The following STXBP4 variants were observed in gnomAD, a reference collection of about 807,000 sequenced individuals.
The protein encoded by STXBP4 is syntaxin binding protein 4.
A neutral mutation model predicts 76.1 loss-of-function variants in STXBP4; 55 were observed. That is an observed-to-expected ratio of 0.72 (90% CI 0.58 to 0.91). The LOEUF is 0.91. Among genes scored for constraint, STXBP4 ranks in the 40% least tolerant of loss-of-function variants. The pLI, the probability that STXBP4 is intolerant of heterozygous loss-of-function variation, is 0.00. For missense variants in STXBP4, 618 were observed against 636.9 expected (o/e 0.97, Z 0.32); for synonymous variants, 201 against 220.2 (o/e 0.91, Z 0.77).
chr17:54,994,214 C>A (rs1024805878), intron 4 of STXBP4, among the ~76,000 whole-genome samples: 3 of 152,148 alleles, frequency 2.0e-5, no homozygotes, highest in Non-Finnish European at 4.4e-5. Flanking sequence ...GTCAGCTAGT[C>A]CCATATCTAT....
chr17:55,098,983 A>C (rs1469801144), intron 16 of STXBP4, among the ~76,000 whole-genome samples: 1 of 152,190 alleles, frequency 6.6e-6, no homozygotes, highest in Non-Finnish European at 1.5e-5. Flanking sequence ...CTGTTTAGTA[A>C]GCACATTTAA....
chr17:55,060,946 C>T (rs1284446803), intron 12 of STXBP4, among the ~76,000 whole-genome samples: 3 of 152,176 alleles, frequency 2.0e-5, no homozygotes, highest in Non-Finnish European at 4.4e-5. Context: ...AAATATTTAG[C>T]TTGTCTGAAC....
intron 6 of STXBP4, among the ~76,000 whole-genome samples, chr17:55,000,560 A>G: frequency 6.6e-6 from 1 of 152,198 alleles, no homozygotes; most frequent in East Asian, 1.9e-4. Context: ...ACTTGGAGCT[A>G]TAATACTTTT....
At chr17:55,072,505 C>T (rs900385682) in intron 12 of STXBP4, among the ~76,000 whole-genome samples, 4 of 152,190 alleles carry the variant, frequency 2.6e-5, no homozygotes, top group Admixed American at 2.0e-4. Flanking sequence ...AATCTCTCAG[C>T]AGCATCTGAT....
the STXBP4 span, among the ~76,000 whole-genome samples, chr17:55,178,921 C>A: frequency 1.3e-5 from 2 of 152,208 alleles, no homozygotes; most frequent in African/African-American, 4.8e-5. Flanking sequence ...AAATATTAAT[C>A]TCACCCAGAA....
chr17:55,181,610 G>A, the STXBP4 span, among the ~76,000 whole-genome samples: 3 of 152,166 alleles, frequency 2.0e-5, no homozygotes, highest in African/African-American at 7.2e-5. Context: ...GGTGGACTAA[G>A]TAGTTCAAAC....
At chr17:55,089,500 T>C (rs1394742060) in intron 16 of STXBP4, among the ~76,000 whole-genome samples, 1 of 152,218 alleles carries the variant, frequency 6.6e-6, no homozygotes. Flanking sequence ...GAAACTTTTG[T>C]CTGTTCTGTC....
chr17:55,122,969 T>G (rs2079863173), intron 16 of STXBP4, among the ~76,000 whole-genome samples: 1 of 152,298 alleles, frequency 6.6e-6, no homozygotes, highest in South Asian at 2.1e-4. Context: ...TAGAAAATCT[T>G]TTAGAGATTT....
chr17:55,070,681 A>G (rs1043153330), intron 12 of STXBP4, among the ~76,000 whole-genome samples: 6 of 151,680 alleles, frequency 4.0e-5, no homozygotes, highest in African/African-American at 1.5e-4. Flanking sequence ...CATGCCTGCC[A>G]TTTCTACCAG....
the STXBP4 span, among the ~76,000 whole-genome samples, chr17:55,187,112 G>T: frequency 1.3e-5 from 2 of 152,206 alleles, no homozygotes; most frequent in Non-Finnish European, 2.9e-5. Flanking sequence ...TGAGGTTTCT[G>T]CCTCCTTCAG....
chr17:54,978,852 TAA>T (rs1475845084), intron 1 of STXBP4, among the ~76,000 whole-genome samples: 1 of 152,190 alleles, frequency 6.6e-6, no homozygotes, highest in Non-Finnish European at 1.5e-5. Flanking sequence ...AATGTAATTT[TAA>T]AAGATGAAAT....
rs1184072074 is a variant in STXBP4 at position 55,054,363 on chromosome 17, C to G, written c.1011+7209C>G. On this transcript the variant is annotated intron_variant, in intron 12 of 17. Transcript: ENST00000376352. ...AATTCGCTGGGCATGGTAGCACATG[C>G]CTGTCATCCCAGCTACTCGGAAGGC... Among the ~76,000 whole-genome samples, 3 of 152,106 alleles carry G rather than the reference C, an allele frequency of 2.0e-5. No individual in the cohort carries two copies. In the East Asian group the frequency reaches 5.8e-4, roughly 29 times the overall value.
chr17:55,172,652 A>T lies in STXBP4; in HGVS notation c.*12741A>T, dbSNP rs746391606. ...CACATTTACATAGAAGTTACAGTTT[A>T]AAGTTTGCATCTCGTAATAACTTGG... On this transcript the variant is annotated 3_prime_UTR_variant, in exon 18 of 18. Transcript: ENST00000376352. 4 of 152,252 alleles carry T rather than the reference A, an allele frequency of 2.6e-5. No individual in the cohort carries two copies. The highest frequency in any genetic ancestry group is 5.9e-5 in the Non-Finnish European group (4 of 68,036). The allele number at this position is 152,252 out of a possible 1,614,324, so 9.4% of individuals were successfully genotyped here.
intron 16 of STXBP4, among the ~76,000 whole-genome samples, chr17:55,090,487 CCAA>C (rs2079396822): frequency 6.6e-6 from 1 of 151,982 alleles, no homozygotes; most frequent in South Asian, 2.1e-4. Context: ...GAGGGTAATT[CCAA>C]CAACAATTTG....
At chr17:55,108,888 T>C (rs2079673125) in intron 16 of STXBP4, among the ~76,000 whole-genome samples, 1 of 152,198 alleles carries the variant, frequency 6.6e-6, no homozygotes, top group Non-Finnish European at 1.5e-5. Context: ...GAATTCTTTA[T>C]ACATGTTTTA....
the STXBP4 span, among the ~76,000 whole-genome samples, chr17:55,189,690 C>G: frequency 1.3e-5 from 2 of 152,210 alleles, no homozygotes; most frequent in Non-Finnish European, 2.9e-5. Flanking sequence ...TCAGTCCTCT[C>G]TGACATTGGC....
At chr17:54,973,387 A>C (rs1001900000) in intron 1 of STXBP4, among the ~76,000 whole-genome samples, 1 of 152,202 alleles carries the variant, frequency 6.6e-6, no homozygotes, top group Admixed American at 6.5e-5. Flanking sequence ...TCAGGTAAAA[A>C]TCATCATTAA....
intron 4 of STXBP4, 80 bp downstream of exon 4, chr17:54,991,037 A>T (rs2077708552): frequency 7.1e-7 from 1 of 1,406,108 alleles, no homozygotes; most frequent in Admixed American, 2.8e-5. Flanking sequence ...CTTCTTTATT[A>T]GTGAATTTAT....
chr17:55,118,513 A>C (rs1384923843), intron 16 of STXBP4, among the ~76,000 whole-genome samples: 1 of 152,008 alleles, frequency 6.6e-6, no homozygotes, highest in Non-Finnish European at 1.5e-5. Flanking sequence ...ATTTAAGTCA[A>C]GATGTTATTG....
Sources: allele counts gnomAD v4.1 joint callset (sites outside exome capture counted in the v4.1 genomes callset), GRCh38; gene constraint gnomAD v4.1.1; transcripts MANE v1.5; gene names NCBI Gene and HGNC (gene_info 2026-07-23, HGNC 2026-07-21).